The following MACROD2 variants were observed in gnomAD, a reference collection of about 807,000 sequenced individuals.
MACROD2 encodes mono-ADP ribosylhydrolase 2.
In MACROD2, 36 loss-of-function variants were observed where a neutral mutation model predicts 70.4. The ratio of observed to expected loss-of-function variants is 0.51; its 90% CI spans 0.39 to 0.68. MACROD2 has a LOEUF of 0.68. Among genes scored for constraint, MACROD2 ranks in the 30% least tolerant of loss-of-function variants. MACROD2 has a pLI of 0.00. For missense variants in MACROD2, 496 were observed against 538.4 expected, an observed-to-expected ratio of 0.92 and a Z score of 0.78; for synonymous variants, 172 against 178.8, an observed-to-expected ratio of 0.96 and a Z score of 0.30.
chr20:15,975,773 G>A (rs938943289), intron 13 of MACROD2, among the ~76,000 whole-genome samples: 6 of 152,016 alleles, frequency 3.9e-5, no homozygotes, highest in East Asian at 3.9e-4. Flanking sequence ...CATTTTTAGC[G>A]TATCCATAAG....
intron 5 of MACROD2, among the ~76,000 whole-genome samples, chr20:14,863,694 G>A (rs1359582960): frequency 6.6e-6 from 1 of 152,000 alleles, no homozygotes; most frequent in Non-Finnish European, 1.5e-5. Context: ...ACATTTGTCA[G>A]CCACTATTGC....
intron 5 of MACROD2, among the ~76,000 whole-genome samples, chr20:15,111,290 A>G (rs1378535920): frequency 1.3e-5 from 2 of 150,308 alleles, no homozygotes; most frequent in Admixed American, 1.3e-4. Flanking sequence ...CTCCTGCCTT[A>G]GCCTCCCAAG....
chr20:15,714,751 T>C (rs968075012), intron 8 of MACROD2, among the ~76,000 whole-genome samples: 1 of 152,344 alleles, frequency 6.6e-6, no homozygotes, highest in South Asian at 2.1e-4. Flanking sequence ...TTTACTAATA[T>C]GTGCCACATA....
At chr20:15,531,551 T>C (rs2047801942) in intron 8 of MACROD2, among the ~76,000 whole-genome samples, 2 of 152,104 alleles carry the variant, frequency 1.3e-5, no homozygotes, top group Admixed American at 1.3e-4. Context: ...ACATACAAAG[T>C]AGTATAAACA....
At chr20:14,177,535 C>T (rs781688993) in intron 3 of MACROD2, among the ~76,000 whole-genome samples, 2 of 152,120 alleles carry the variant, frequency 1.3e-5, no homozygotes, top group East Asian at 1.9e-4. Context: ...AGGCTGGTCT[C>T]GAACCTCCAA....
intron 15 of MACROD2, among the ~76,000 whole-genome samples, chr20:15,989,304 C>T (rs975282599): frequency 1.2e-4 from 19 of 152,148 alleles, no homozygotes; most frequent in African/African-American, 4.6e-4. Context: ...CTGGTTCTAT[C>T]CATTTGGTTG....
intron 8 of MACROD2, among the ~76,000 whole-genome samples, chr20:15,806,870 G>A (rs1010659801): frequency 6.6e-6 from 1 of 152,162 alleles, no homozygotes; most frequent in African/African-American, 2.4e-5. Context: ...GAAAGGAGAC[G>A]TTTAGGAAAA....
chr20:15,698,776 C>T (rs919825248), intron 8 of MACROD2, among the ~76,000 whole-genome samples: 9 of 152,136 alleles, frequency 5.9e-5, no homozygotes, highest in Admixed American at 5.2e-4. Context: ...TATTTTCTTA[C>T]TCCTTTTACT....
At chr20:14,934,632 C>T (rs1277457002) in intron 5 of MACROD2, among the ~76,000 whole-genome samples, 4 of 151,928 alleles carry the variant, frequency 2.6e-5, no homozygotes, top group African/African-American at 7.2e-5. Context: ...ATCAAAAATA[C>T]AAAAATTAGC....
intron 3 of MACROD2, among the ~76,000 whole-genome samples, chr20:14,356,521 T>TTC (rs2083174185): frequency 8.4e-6 from 1 of 118,958 alleles, no homozygotes; most frequent in Non-Finnish European, 1.8e-5. Context: ...TTTTTTTTTT[T>TTC]CGAGATGGAG....
At chr20:15,588,991 C>T (rs769219638) in intron 8 of MACROD2, among the ~76,000 whole-genome samples, 10 of 152,208 alleles carry the variant, frequency 6.6e-5, no homozygotes, top group Admixed American at 3.3e-4. Context: ...TGTATTAGTC[C>T]GTTTTCACAC....
intron 8 of MACROD2, among the ~76,000 whole-genome samples, chr20:15,746,562 T>TAAAAAAAAA (rs536288457): frequency 2.8e-5 from 3 of 107,082 alleles, no homozygotes; most frequent in African/African-American, 6.7e-5. Context: ...TGGTTTCCAG[T>TAAAAAAAAA]AAAAAAAAAA....
At chr20:15,982,218 C>G (rs1472928781) in intron 13 of MACROD2, among the ~76,000 whole-genome samples, 1 of 152,116 alleles carries the variant, frequency 6.6e-6, no homozygotes. Flanking sequence ...GGGCAGGTCA[C>G]TTCCTGGATT....
intron 5 of MACROD2, among the ~76,000 whole-genome samples, chr20:14,737,503 G>A (rs2071681712): frequency 6.6e-6 from 1 of 152,064 alleles, no homozygotes; most frequent in African/African-American, 2.4e-5. Flanking sequence ...GGTATTTCTG[G>A]TTCTAGATCC....
chr20:15,864,472 T>C (rs1405392113), intron 9 of MACROD2, among the ~76,000 whole-genome samples: 1 of 152,148 alleles, frequency 6.6e-6, no homozygotes, highest in East Asian at 1.9e-4. Flanking sequence ...TTCATTTTCA[T>C]GTATTCTAAA....
chr20:14,765,853 C>T lies in MACROD2; in HGVS notation c.418+80894C>T, dbSNP rs1185722518. 3.9e-5 allele frequency among the ~76,000 whole-genome samples: 6 copies of T among 151,980 alleles called. No individual in the cohort carries two copies. In the East Asian group the frequency reaches 1.2e-3, roughly 29 times the overall value. On this transcript the variant is annotated intron_variant, in intron 5 of 17. Coordinates refer to ENST00000684519, the MANE Select transcript of MACROD2 (RefSeq NM_001351661.2). ...GGAACCCTGAATGCTTCATGAAGTC[C>T]ACCTCGAAAGCCTTCAGTTATGAAA...
At chr20:14,608,401 T>G (rs1343158063) in intron 4 of MACROD2, among the ~76,000 whole-genome samples, 3 of 152,200 alleles carry the variant, frequency 2.0e-5, no homozygotes, top group East Asian at 3.9e-4. Context: ...TGCTATTTAC[T>G]GAATAAAGGG....
chr20:14,349,550 AT>A (rs1446071292), intron 3 of MACROD2, among the ~76,000 whole-genome samples: 1 of 134,476 alleles, frequency 7.4e-6, no homozygotes, highest in Non-Finnish European at 1.7e-5. Flanking sequence ...ATTATATATT[AT>A]ATATTAACAT....
At chr20:14,109,847 C>G (rs2054423955) in intron 3 of MACROD2, among the ~76,000 whole-genome samples, 1 of 151,582 alleles carries the variant, frequency 6.6e-6, no homozygotes, top group Non-Finnish European at 1.5e-5. Flanking sequence ...CAATCCTACT[C>G]AAACTCTTCT....
Sources: allele counts gnomAD v4.1 joint callset (sites outside exome capture counted in the v4.1 genomes callset), GRCh38; gene constraint gnomAD v4.1.1; transcripts MANE v1.5; gene names NCBI Gene and HGNC (gene_info 2026-07-23, HGNC 2026-07-21).